The following FAM222B variants were observed in gnomAD, a reference collection of about 807,000 sequenced individuals.
The protein encoded by FAM222B is family with sequence similarity 222 member B, also known as protein FAM222B.
In FAM222B, 12 loss-of-function variants were observed where a neutral mutation model predicts 38.0. The ratio of observed to expected loss-of-function variants is 0.32; its 90% confidence interval spans 0.20 to 0.51. FAM222B has a LOEUF of 0.51. Ranked by LOEUF, FAM222B falls within the 20% of genes least tolerant of loss-of-function variation. The pLI is 0.97. For synonymous variants in FAM222B, 329 were observed against 317.2 expected (o/e 1.04, Z -0.40); for missense variants, 716 against 754.2 (o/e 0.95, Z 0.59).
intron 1 of FAM222B, among the ~76,000 whole-genome samples, chr17:28,821,364 C>T (rs1420654624): frequency 6.6e-6 from 1 of 152,160 alleles, no homozygotes; most frequent in Non-Finnish European, 1.5e-5. Flanking sequence ...TGCTTATTTT[C>T]ACAACATCCC....
At chr17:28,827,037 C>A (rs1175500079) in intron 1 of FAM222B, among the ~76,000 whole-genome samples, 1 of 151,930 alleles carries the variant, frequency 6.6e-6, no homozygotes, top group East Asian at 1.9e-4. Flanking sequence ...GTCCTAGCTA[C>A]TTGGGAGGCT....
At chr17:28,809,428 T>A (rs537066121) in intron 1 of FAM222B, among the ~76,000 whole-genome samples, 31 of 151,832 alleles carry the variant, frequency 2.0e-4, no homozygotes, top group African/African-American at 7.5e-4. Flanking sequence ...TAAAGAAAAT[T>A]AAATCAACTG....
chr17:28,836,076 G>A (rs1375033216), intron 1 of FAM222B, among the ~76,000 whole-genome samples: 2 of 151,338 alleles, frequency 1.3e-5, no homozygotes, highest in Non-Finnish European at 2.9e-5. Flanking sequence ...TGAGACCTCC[G>A]CCTCCCGTGT....
At chr17:28,770,683 G>A (rs1597867959) in intron 1 of FAM222B, among the ~76,000 whole-genome samples, 2 of 151,718 alleles carry the variant, frequency 1.3e-5, no homozygotes, top group East Asian at 3.9e-4. Context: ...CCATTCTCCT[G>A]CCTCAGCCTC....
At chr17:28,794,103 C>T (rs1250959625) in intron 1 of FAM222B, among the ~76,000 whole-genome samples, 1 of 152,068 alleles carries the variant, frequency 6.6e-6, no homozygotes, top group African/African-American at 2.4e-5. Flanking sequence ...AACTGATACA[C>T]CCTTAGAAAG....
intron 1 of FAM222B, among the ~76,000 whole-genome samples, chr17:28,819,925 TAC>T (rs1199222024): frequency 6.6e-6 from 1 of 152,212 alleles, no homozygotes; most frequent in African/African-American, 2.4e-5. Context: ...CAAAAGCAAG[TAC>T]AGTCTTCCCA....
intron 1 of FAM222B, among the ~76,000 whole-genome samples, chr17:28,821,902 T>C (rs1431313421): frequency 6.6e-6 from 1 of 150,400 alleles, no homozygotes; most frequent in Non-Finnish European, 1.5e-5. Context: ...TGGGCAGAGG[T>C]TGCAGTGAGC....
At chr17:28,812,917 C>T (rs2037853437) in intron 1 of FAM222B, among the ~76,000 whole-genome samples, 1 of 149,052 alleles carries the variant, frequency 6.7e-6, no homozygotes, top group African/African-American at 2.5e-5. Flanking sequence ...TAATCAACTG[C>T]ACTGCACTGT....
At chr17:28,764,141 G>A (rs1317790259) in intron 2 of FAM222B, among the ~76,000 whole-genome samples, 1 of 152,030 alleles carries the variant, frequency 6.6e-6, no homozygotes, top group Non-Finnish European at 1.5e-5. Context: ...TTCCAGTGGC[G>A]CATGCCTGTA....
intron 1 of FAM222B, among the ~76,000 whole-genome samples, chr17:28,829,265 A>C (rs535607033): frequency 7.6e-6 from 1 of 131,862 alleles, no homozygotes; most frequent in African/African-American, 2.9e-5. Flanking sequence ...CCTCAGCTGG[A>C]GTGCAATGGC....
intron 1 of FAM222B, among the ~76,000 whole-genome samples, chr17:28,828,580 AC>A (rs1717697905): frequency 6.6e-6 from 1 of 151,786 alleles, no homozygotes; most frequent in Non-Finnish European, 1.5e-5. Flanking sequence ...AAAAAAAAAA[AC>A]AAAAAACATA....
intron 1 of FAM222B, among the ~76,000 whole-genome samples, chr17:28,783,770 CA>C (rs1280500116): frequency 1.3e-5 from 2 of 151,798 alleles, no homozygotes; most frequent in Non-Finnish European, 2.9e-5. Flanking sequence ...CTCGGCCTCC[CA>C]AACTGCTAGG....
chr17:28,821,048 T>C (rs967634256), intron 1 of FAM222B, among the ~76,000 whole-genome samples: 3 of 150,594 alleles, frequency 2.0e-5, no homozygotes, highest in Admixed American at 1.3e-4. Context: ...CTCCCCCACC[T>C]GGGTTCAAGC....
intron 1 of FAM222B, among the ~76,000 whole-genome samples, chr17:28,796,516 T>C (rs573055095): frequency 2.0e-5 from 3 of 152,214 alleles, no homozygotes; most frequent in South Asian, 4.2e-4. Context: ...TGCGCTAAAG[T>C]AAAGCACTGT....
chr17:28,815,565 G>A (rs2151936381), intron 1 of FAM222B, among the ~76,000 whole-genome samples: 1 of 150,974 alleles, frequency 6.6e-6, no homozygotes, highest in South Asian at 2.2e-4. Flanking sequence ...AGTGGCTCAT[G>A]CCTGTAATCC....
chr17:28,854,505 C>T (rs1347120898), intron 1 of FAM222B, among the ~76,000 whole-genome samples: 1 of 152,226 alleles, frequency 6.6e-6, no homozygotes, highest in Non-Finnish European at 1.5e-5. Flanking sequence ...ACCACTCCTT[C>T]CAGGAACCTA....
At chr17:28,771,423 T>TG (rs753489057) in intron 1 of FAM222B, among the ~76,000 whole-genome samples, 3 of 152,222 alleles carry the variant, frequency 2.0e-5, no homozygotes, top group Non-Finnish European at 4.4e-5. Context: ...GGCTCAAGCC[T>TG]GTAATCCCAG....
chr17:28,844,669 A>C (rs1414740608), upstream of FAM222B, among the ~76,000 whole-genome samples: 1 of 152,210 alleles, frequency 6.6e-6, no homozygotes, highest in South Asian at 2.1e-4. Context: ...AAAGAAAAAA[A>C]AATTAAAAAT....
chr17:28,798,272 C>T (rs2037037451), intron 1 of FAM222B, among the ~76,000 whole-genome samples: 1 of 151,974 alleles, frequency 6.6e-6, no homozygotes, highest in Non-Finnish European at 1.5e-5. Flanking sequence ...ATCTCACCTA[C>T]TTGGAAGGCT....
Sources: allele counts gnomAD v4.1 joint callset (sites outside exome capture counted in the v4.1 genomes callset), GRCh38; gene constraint gnomAD v4.1.1; transcripts MANE v1.5; gene names NCBI Gene and HGNC (gene_info 2026-07-23, HGNC 2026-07-21).